Variants in NMUR1 observed in about 807,000 individuals in gnomAD.
NMUR1 encodes neuromedin U receptor 1, also known as neuromedin-U receptor 1.
In NMUR1, 16 loss-of-function variants were observed where a neutral mutation model predicts 18.8. The observed-to-expected ratio is 0.85, with a 90% CI of 0.58 to 1.29. The LOEUF (loss-of-function observed/expected upper bound fraction) is 1.29, where lower values mean the gene tolerates loss of function less well. Ranked by LOEUF, NMUR1 falls within the 50% of genes most tolerant of loss-of-function variation. NMUR1 has a pLI of 0.00. For missense variants in NMUR1, 529 were observed against 580.3 expected (o/e 0.91, Z 0.91); for synonymous variants, 258 against 258.2 (o/e 1.00, Z 0.01).
In NMUR1 at chr2:231,524,864, G is replaced by T. The variant is rs1314949266; in HGVS notation, c.*179C>A. On this transcript the variant is annotated 3_prime_UTR_variant, in exon 3 of 3. Transcript: ENST00000305141. ...GGCGTCTGGTCAGTGTGAGTCCTCAGCAGTCAGGGATCCCTCCTCCTGCTG... is the reference window on the plus strand; with the variant it reads ...GGCGTCTGGTCAGTGTGAGTCCTCATCAGTCAGGGATCCCTCCTCCTGCTG... 1 of 728,380 alleles carries T rather than the reference G, an allele frequency of 1.4e-6. No individual in the cohort carries two copies. Among genetic ancestry groups the T allele is most frequent in the Non-Finnish European group, 2.1e-6 (1 of 470,420 alleles). The allele number at this position is 728,380 out of a possible 1,614,324, so 45.1% of individuals were successfully genotyped here. A position where few individuals can be genotyped will look rare whatever the true frequency, so the allele number is the denominator to read the frequency against.
In NMUR1 at chr2:231,528,557, A is replaced by G. The variant is rs1358212773; in HGVS notation, c.464T>C (p.Leu155Pro). The G allele has an allele frequency of 6.2e-7, 1 of 1,614,060 alleles. No individual in the cohort carries two copies. Among genetic ancestry groups the G allele is most frequent in the African/African-American group, 1.3e-5 (1 of 75,084 alleles). Residue 155 changes from leucine (L) to proline (P), a missense_variant, in exon 2 of 3, where the codon CTG (leucine) becomes CCG (proline). Coordinates refer to ENST00000305141, the MANE Select transcript of NMUR1 (RefSeq NM_006056.5). ...CACGGCCACATAGCGTTCCACGCTC[A>G]GGGCAGTGACGTTGAGCACTGAGGC... is the stretch of plus-strand genomic sequence containing the variant. ...CLASVLNVTA[L>P]SVERYVAVVH...
downstream of NMUR1, among the ~76,000 whole-genome samples, chr2:231,520,560 C>T (rs1012681374): frequency 2.6e-5 from 4 of 152,184 alleles, no homozygotes; most frequent in South Asian, 2.1e-4. Context: ...GAAAGGAGTT[C>T]AAATGCTAGG....
chr2:231,524,287 T>G lies in NMUR1; in HGVS notation c.*756A>C, dbSNP rs1375528215. On this transcript the variant is annotated 3_prime_UTR_variant, in exon 3 of 3. Transcript: ENST00000305141. ...GGACTGATTGGCCGGGTGTGGTGGCTCATGCCTGTAATCCGAGGACTTTGG... is the reference window on the plus strand; with the variant it reads ...GGACTGATTGGCCGGGTGTGGTGGCGCATGCCTGTAATCCGAGGACTTTGG... 1 of 152,228 alleles carries G rather than the reference T, an allele frequency of 6.6e-6. No individual in the cohort carries two copies. The highest frequency in any genetic ancestry group is 2.4e-5 in the African/African-American group (1 of 41,422). The allele number at this position is 152,228 out of a possible 1,614,324, so 9.4% of individuals were successfully genotyped here. A position where few individuals can be genotyped will look rare whatever the true frequency, so the allele number is the denominator to read the frequency against.
intron 1 of NMUR1, among the ~76,000 whole-genome samples, 156 bp from the exon 2 acceptor site, chr2:231,529,173 G>A (rs1559171751): frequency 6.6e-6 from 1 of 152,136 alleles, no homozygotes; most frequent in Non-Finnish European, 1.5e-5. Context: ...AGTCAGAGAT[G>A]TAAAAATAAG....
chr2:231,528,038 A>G (rs1168301391), intron 2 of NMUR1, 85 bp downstream of exon 2: 1 of 1,417,398 alleles, frequency 7.1e-7, no homozygotes, highest in African/African-American at 1.4e-5. Flanking sequence ...AAACCCAGAT[A>G]CTCAGCCCCT....
chr2:231,528,318 T>G lies in NMUR1; in HGVS notation c.703A>C (p.Thr235Pro). ...RALYNMVVQTTALLFFCLPMA... is the reference protein window; with the variant it reads ...RALYNMVVQTPALLFFCLPMA... The stretch of plus-strand genomic sequence containing the variant: ...GGCAGGCAGAAGAAGAGCAGCGCGG[T>G]GGTCTGCACTACCATGTTGTAGAGG... The change falls in exon 2 of 3, where the codon ACC becomes CCC. Residue 235 changes from threonine to proline, a missense_variant. Coordinates refer to ENST00000305141, the MANE Select transcript of NMUR1 (RefSeq NM_006056.5). 1 of 1,612,866 alleles carries G rather than the reference T, an allele frequency of 6.2e-7. No homozygotes were observed. Among genetic ancestry groups the G allele is most frequent in the South Asian group, 1.1e-5 (1 of 90,986 alleles).
chr2:231,528,989 A>G lies in NMUR1; in HGVS notation c.32T>C (p.Leu11Pro), dbSNP rs2047389492. MTPLCLNCSV[L>P]PGDLYPGGAR... Reference sequence around the variant, plus strand: ...ACCCCCTGGGTACAGGTCTCCAGGGAGGACAGAGCAATTGAGGCAGAGAGG... The same window carrying G: ...ACCCCCTGGGTACAGGTCTCCAGGGGGGACAGAGCAATTGAGGCAGAGAGG... Residue 11 changes from leucine to proline, a missense_variant, in exon 2 of 3, where the codon CTC (leucine) becomes CCC (proline). Physicochemically the swap from Leu to Pro is moderately conservative, Grantham distance 98. Transcript: ENST00000305141. The G allele has an allele frequency of 6.2e-7, 1 of 1,610,898 alleles. No individual in the cohort carries two copies. Among genetic ancestry groups the G allele is most frequent in the South Asian group, 1.1e-5 (1 of 91,002 alleles).
At chr2:231,527,508 G>A (rs528955046) in intron 2 of NMUR1, among the ~76,000 whole-genome samples, 8 of 152,214 alleles carry the variant, frequency 5.3e-5, no homozygotes, top group African/African-American at 1.9e-4. Flanking sequence ...TGGGCATGGT[G>A]GCACCTGCCT....
chr2:231,522,612 C>T (rs1286315402), downstream of NMUR1, among the ~76,000 whole-genome samples: 2 of 151,688 alleles, frequency 1.3e-5, no homozygotes, highest in African/African-American at 4.8e-5. Context: ...TCCCCTATCC[C>T]CCACCCTCCC....
At chr2:231,521,830 A>G (rs4973436), downstream of NMUR1, among the ~76,000 whole-genome samples, 43,420 of 151,818 alleles carry the variant, frequency 0.29, 6,748 homozygotes, top group East Asian at 0.5. Flanking sequence ...TGCCCTTTCC[A>G]TTGCCATCCC....
In NMUR1 at chr2:231,525,264, C is replaced by A. The variant is rs201590115; in HGVS notation, c.1060G>T (p.Val354Leu). The A allele has an allele frequency of 1.0e-4, 164 of 1,614,118 alleles. 1 individual carries two copies. The East Asian group carries it at 3.4e-3, about 34-fold the overall frequency. ...CGGCTGGACATGAGGCTATAGAGCA[C>A]GGGGTTGGCCGCCGAGCCCAGGTAG... ...FFYLGSAANP[V>L]LYSLMSSRFR... The change falls in exon 3 of 3, where the codon GTG (valine) becomes TTG (leucine). Residue 354 changes from valine to leucine, a missense_variant. Val to Leu is a conservative substitution (Grantham distance 32). Transcript: ENST00000305141.
chr2:231,526,065 G>A (rs2125664513), intron 2 of NMUR1, among the ~76,000 whole-genome samples: 1 of 151,798 alleles, frequency 6.6e-6, no homozygotes, highest in East Asian at 1.9e-4. Context: ...GCACTAACCT[G>A]CCCCCCATCT....
chr2:231,529,266 C>T (rs2047392194), intron 1 of NMUR1, among the ~76,000 whole-genome samples: 1 of 152,156 alleles, frequency 6.6e-6, no homozygotes, highest in African/African-American at 2.4e-5. Context: ...TCAAGACCAG[C>T]CTGGCCAATA....
rs144064719 is a variant in NMUR1 at position 231,528,840 on chromosome 2, T to C, written c.181A>G (p.Met61Val). ...AGCAGGTATGTGGCACAGATGGGCA[T>C]GAACAGCTCTGTCTGCTGGGGCCCC... Reference protein sequence around the residue: ...YLGPQQTELFMPICATYLLIF... With the variant: ...YLGPQQTELFVPICATYLLIF... The change falls in exon 2 of 3, where the codon ATG (methionine) becomes GTG (valine). Residue 61 changes from methionine to valine, a missense_variant. Physicochemically the swap from Met to Val is conservative, Grantham distance 21 (BLOSUM62 1). Coordinates refer to ENST00000305141, the MANE Select transcript of NMUR1 (RefSeq NM_006056.5). The C allele has an allele frequency of 2.7e-5, 44 of 1,614,204 alleles. No homozygotes were observed. The highest frequency in any genetic ancestry group is 3.6e-5 in the Non-Finnish European group (42 of 1,180,042).
intron 1 of NMUR1, among the ~76,000 whole-genome samples, 168 bp from the exon 2 acceptor site, chr2:231,529,185 T>C (rs1359205629): frequency 6.6e-6 from 1 of 151,824 alleles, no homozygotes; most frequent in Non-Finnish European, 1.5e-5. Flanking sequence ...AAAAATAAGC[T>C]TGGTGCAGTG....
In NMUR1 at chr2:231,528,674, AG is replaced by A; in HGVS notation, c.346del (p.Leu116TrpfsTer40). 2 of 1,614,252 alleles carry A rather than the reference AG, an allele frequency of 1.2e-6. No homozygotes were observed. Among genetic ancestry groups the A allele is most frequent in the Middle Eastern group, 3.3e-4 (2 of 6,062 alleles). On this transcript the variant is annotated frameshift_variant, in exon 2 of 3. Transcript: ENST00000305141. LOFTEE classifies it high-confidence loss of function. ...GTTGTGCCACATCTCATAGAGCTCC[AG>A]GGGCAGGCCCACCAGCAGCACCAGC... ...DLLVLLVGLP[L>X]ELYEMWHNYP...
At chr2:231,529,952 T>C (rs554234727) in intron 1 of NMUR1, among the ~76,000 whole-genome samples, 1 of 152,356 alleles carries the variant, frequency 6.6e-6, no homozygotes, top group Admixed American at 6.5e-5. Context: ...TTCTTTTTTC[T>C]GTTTTCTGTC....
chr2:231,528,433 G>A lies in NMUR1; in HGVS notation c.588C>T (p.Asn196=), dbSNP rs758985496. The part of the protein sequence containing the change: ...WGLAMLCSLP[N]TSLHGIRQLH... The stretch of plus-strand genomic sequence containing the variant: ...GCTGCCGGATGCCGTGCAGGCTGGT[G>A]TTGGGCAGGGAGCAGAGCATGGCAA... Residue 196 remains asparagine, a synonymous_variant, in exon 2 of 3, where the codon AAC becomes AAT. Transcript: ENST00000305141. 1.9e-6 allele frequency: 3 copies of A among 1,613,744 alleles called. No individual in the cohort carries two copies. The highest frequency in any genetic ancestry group is 2.2e-5 in the South Asian group (2 of 91,078).
rs927575881 is a variant in NMUR1, at chr2:231,523,498, A to G, written c.*1545T>C. 2 of 294,366 alleles carry G rather than the reference A, an allele frequency of 6.8e-6. No individual in the cohort carries two copies. Among genetic ancestry groups the G allele is most frequent in the Non-Finnish European group, 1.2e-5 (2 of 161,464 alleles). The allele number at this position is 294,366 out of a possible 1,614,324, so 18.2% of individuals were successfully genotyped here. The stretch of plus-strand genomic sequence containing the variant: ...CTTATTTGCACTTTCCAAATTTTCT[A>G]TCATGAGCATTTATTATTTTTATAA... On this transcript the variant is annotated 3_prime_UTR_variant, in exon 3 of 3. Coordinates refer to ENST00000305141, the MANE Select transcript of NMUR1 (RefSeq NM_006056.5).
Sources: allele counts gnomAD v4.1 joint callset (sites outside exome capture counted in the v4.1 genomes callset), GRCh38; gene constraint gnomAD v4.1.1; transcripts MANE v1.5; gene names NCBI Gene and HGNC (gene_info 2026-07-23, HGNC 2026-07-21).